Variants in PTPN13 observed in about 807,000 individuals in gnomAD.
PTPN13 encodes tyrosine-protein phosphatase non-receptor type 13.
In PTPN13, 191 loss-of-function variants were observed where a neutral mutation model predicts 284.0. The observed-to-expected ratio is 0.67, with a 90% CI of 0.60 to 0.76. PTPN13 has a LOEUF of 0.76. Among genes scored for constraint, PTPN13 ranks in the 30% least tolerant of loss-of-function variants. PTPN13 has a pLI of 0.00. For missense variants in PTPN13, 2,797 were observed against 2,939.9 expected, an observed-to-expected ratio of 0.95 and a Z score of 1.12; for synonymous variants, 986 against 1,022.3, an observed-to-expected ratio of 0.96 and a Z score of 0.68.
chr4:86,808,040 G>T, intron 45 of PTPN13, 143 bp downstream of exon 45: 1 of 719,946 alleles, frequency 1.4e-6, no homozygotes. Flanking sequence ...ACTAATGCTA[G>T]CTATTTTTTC....
intron 36 of PTPN13, among the ~76,000 whole-genome samples, chr4:86,781,832 A>G (rs9991172): frequency 0.099 from 15,092 of 151,968 alleles, 859 homozygotes; most frequent in Non-Finnish European, 0.11. Flanking sequence ...GCATGGTGGC[A>G]CACACCTGTA....
chr4:86,618,645 C>T (rs1309262698), intron 1 of PTPN13, among the ~76,000 whole-genome samples: 1 of 152,140 alleles, frequency 6.6e-6, no homozygotes, highest in Non-Finnish European at 1.5e-5. Flanking sequence ...TCCTTCACAT[C>T]CCTTGTAAGT....
chr4:86,738,083 CT>C (rs368688643), intron 15 of PTPN13, among the ~76,000 whole-genome samples: 13 of 148,286 alleles, frequency 8.8e-5, no homozygotes, highest in East Asian at 2.2e-4. Context: ...AGTTTCTTTT[CT>C]TTTTTTTTTC....
intron 42 of PTPN13, among the ~76,000 whole-genome samples, 172 bp downstream of exon 42, chr4:86,799,376 G>A (rs1018212656): frequency 2.7e-5 from 4 of 146,842 alleles, no homozygotes; most frequent in Non-Finnish European, 5.9e-5. Context: ...GGGCGATCTC[G>A]GCTCACTACA....
chr4:86,794,113 G>T (rs1033336109), intron 40 of PTPN13, among the ~76,000 whole-genome samples: 1 of 152,046 alleles, frequency 6.6e-6, no homozygotes. Context: ...AAGTCAAATT[G>T]TCTCTGTTTG....
chr4:86,742,527 T>C (rs1457029632), intron 16 of PTPN13, among the ~76,000 whole-genome samples: 1 of 152,210 alleles, frequency 6.6e-6, no homozygotes, highest in African/African-American at 2.4e-5. Context: ...ATCTTTAGGC[T>C]AAAGTATAGT....
chr4:86,691,638 T>G (rs1415060354), intron 5 of PTPN13, among the ~76,000 whole-genome samples: 1 of 152,142 alleles, frequency 6.6e-6, no homozygotes, highest in Non-Finnish European at 1.5e-5. Flanking sequence ...CAACCTCAAT[T>G]TAATAGAGAT....
At chr4:86,761,451 A>G (rs1381007101) in intron 23 of PTPN13, among the ~76,000 whole-genome samples, 1 of 152,108 alleles carries the variant, frequency 6.6e-6, no homozygotes, top group Non-Finnish European at 1.5e-5. Context: ...AGATGCCTGG[A>G]ACTAGATTAA....
intron 2 of PTPN13, among the ~76,000 whole-genome samples, chr4:86,642,696 C>T (rs1411667692): frequency 6.6e-6 from 1 of 151,946 alleles, no homozygotes; most frequent in Non-Finnish European, 1.5e-5. Context: ...CTCAGGTGAT[C>T]CACCCACCTC....
Position 86,617,886 on chromosome 4 carries a change from T to C in PTPN13, c.-5-17366T>C, listed in dbSNP as rs557784174. Among the ~76,000 whole-genome samples, 301 of 152,012 alleles carry C rather than the reference T, an allele frequency of 2.0e-3. 2 individuals are homozygous for C. Among genetic ancestry groups the C allele is most frequent in the Non-Finnish European group, 2.3e-3 (153 of 67,818 alleles). ...CCCATTCTGTAGGTTGCCTGTTCAC[T>C]CTGATGGTAGTTTCTTTTGCTGTGC... On this transcript the variant is annotated intron_variant, in intron 1 of 47. Coordinates refer to ENST00000411767, the MANE Select transcript of PTPN13 (RefSeq NM_080683.3).
At position 86,735,646 on chromosome 4, in the gene PTPN13, T is replaced by C. The variant is rs777240966; in HGVS notation, c.2204T>C (p.Met735Thr). The change falls in exon 15 of 48, where the codon ATG becomes ACG. Residue 735 changes from methionine to threonine, a missense_variant. Coordinates refer to ENST00000411767, the MANE Select transcript of PTPN13 (RefSeq NM_080683.3). ...RMEHYLPARV[M>T]EKLDLSYIKE... The stretch of plus-strand genomic sequence containing the variant: ...GAGCACTATTTGCCCGCCAGAGTGA[T>C]GGAGAAACTTGATTTATCCTATATC... 5.6e-6 allele frequency: 9 copies of C among 1,613,636 alleles called. No homozygotes were observed. The highest frequency in any genetic ancestry group is 7.6e-6 in the Non-Finnish European group (9 of 1,179,674).
chr4:86,758,259 G>A lies in PTPN13; in HGVS notation c.3224-1G>A. 1 of 1,593,982 alleles carries A rather than the reference G, an allele frequency of 6.3e-7. No individual in the cohort carries two copies. Among genetic ancestry groups the A allele is most frequent in the Non-Finnish European group, 8.6e-7 (1 of 1,164,958 alleles). On this transcript the variant is annotated splice_acceptor_variant, in intron 20 of 47. Coordinates refer to ENST00000411767, the MANE Select transcript of PTPN13 (RefSeq NM_080683.3). LOFTEE classifies it high-confidence loss of function. ...ATTTTTAAATTATAAATTCCCAATA[G>A]ATGTGCTACACAAAAGATGGAGCAT...
chr4:86,672,228 T>C, intron 2 of PTPN13, 137 bp from the exon 3 acceptor site: 2 of 613,448 alleles, frequency 3.3e-6, no homozygotes, highest in Non-Finnish European at 5.2e-6. Context: ...GTTGATTTGG[T>C]ATATGTTAAC....
At chr4:86,763,468 C>T (rs1217074539) in intron 24 of PTPN13, among the ~76,000 whole-genome samples, 1 of 152,186 alleles carries the variant, frequency 6.6e-6, no homozygotes, top group Admixed American at 6.5e-5. Context: ...TTGTTTGTCT[C>T]TGGCATATTT....
In PTPN13 at chr4:86,811,612, G is replaced by A. The variant is rs532383337; in HGVS notation, c.7362+504G>A. On this transcript the variant is annotated intron_variant, in intron 47 of 47. Transcript: ENST00000411767. Reference sequence around the variant, plus strand: ...CATTTATCCTCTTTTGATGATTTTCGTTTCTCTTACCTGAAAGGAAACCAT... The same window carrying A: ...CATTTATCCTCTTTTGATGATTTTCATTTCTCTTACCTGAAAGGAAACCAT... Among the ~76,000 whole-genome samples, 7 of 152,158 alleles carry A rather than the reference G, an allele frequency of 4.6e-5. No individual in the cohort carries two copies. In the East Asian group the frequency reaches 7.7e-4, roughly 17 times the overall value.
intron 7 of PTPN13, among the ~76,000 whole-genome samples, chr4:86,715,137 C>T (rs765281489): frequency 1.3e-5 from 2 of 151,908 alleles, no homozygotes; most frequent in African/African-American, 4.8e-5. Flanking sequence ...GTACAGAATT[C>T]GTTTAGGGAA....
At chr4:86,695,481 G>T (rs1730503667) in intron 6 of PTPN13, among the ~76,000 whole-genome samples, 1 of 151,850 alleles carries the variant, frequency 6.6e-6, no homozygotes, top group East Asian at 1.9e-4. Context: ...GATCAAATTT[G>T]CAGTCAGTCT....
chr4:86,745,366 T>C (rs1244877421), intron 17 of PTPN13, among the ~76,000 whole-genome samples: 1 of 152,236 alleles, frequency 6.6e-6, no homozygotes, highest in Non-Finnish European at 1.5e-5. Flanking sequence ...TTAGCAATGA[T>C]AGGCTAGTTG....
At chr4:86,774,237 A>T in intron 32 of PTPN13, 136 bp from the exon 33 acceptor site, 1 of 768,214 alleles carries the variant, frequency 1.3e-6, no homozygotes, top group Non-Finnish European at 2.0e-6. Context: ...GACAGACTTG[A>T]CTTCTTCACT....
Sources: gnomAD v4.1 joint callset for allele counts (sites outside exome capture counted in the v4.1 genomes callset) on GRCh38, gnomAD v4.1.1 for gene constraint, MANE v1.5 for transcripts, NCBI Gene and HGNC (gene_info 2026-07-23, HGNC 2026-07-21) for gene names.